ADGRD1: variants seen among roughly 807,000 people sequenced by gnomAD.
The protein encoded by ADGRD1 is adhesion G protein-coupled receptor D1.
A neutral mutation model predicts 113.4 loss-of-function variants in ADGRD1; 77 were observed. The ratio of observed to expected loss-of-function variants is 0.68; its 90% confidence interval spans 0.57 to 0.82. The LOEUF (loss-of-function observed/expected upper bound fraction) is 0.82. ADGRD1 is among the 40% of genes least tolerant of loss of function. The pLI is 0.00. For missense variants in ADGRD1, 1,036 were observed against 1,139.1 expected (o/e 0.91, Z 1.30); for synonymous variants, 474 against 475.0 (o/e 1.00, Z 0.03).
intron 13 of ADGRD1, among the ~76,000 whole-genome samples, chr12:131,039,318 A>C (rs1466207451): frequency 6.6e-6 from 1 of 152,240 alleles, no homozygotes; most frequent in African/African-American, 2.4e-5. Context: ...CAGTCCCACC[A>C]GGACCCTCAC....
chr12:131,004,173 C>G lies in ADGRD1; in HGVS notation c.1145-13C>G, dbSNP rs1266222111. On this transcript the variant is annotated splice_polypyrimidine_tract_variant and intron_variant, in intron 10 of 24. Transcript: ENST00000261654. ...CTGACGGGACTTCCGCTCTCTCGCT[C>G]CTTCCACCGCAGAGTTTTCCGTGGC... 6.4e-7 allele frequency: 1 copy of G among 1,561,612 alleles called. No homozygotes were observed. The highest frequency in any genetic ancestry group is 1.7e-5 in the Admixed American group (1 of 59,880).
chr12:130,993,348 G>T (rs1020869042), intron 8 of ADGRD1, among the ~76,000 whole-genome samples: 1 of 151,102 alleles, frequency 6.6e-6, no homozygotes, highest in Non-Finnish European at 1.5e-5. Flanking sequence ...TTCTGTCCAC[G>T]TAAGAGAAGT....
intron 20 of ADGRD1, among the ~76,000 whole-genome samples, chr12:131,124,505 C>T (rs902869278): frequency 6.6e-6 from 1 of 152,136 alleles, no homozygotes; most frequent in African/African-American, 2.4e-5. Flanking sequence ...CATCAGCTTC[C>T]CTGTGTCCTG....
chr12:130,986,895 G>A lies in ADGRD1; in HGVS notation c.491-200G>A. 5.2e-6 allele frequency: 3 copies of A among 574,888 alleles called. No homozygotes were observed. In the South Asian group the frequency reaches 6.8e-5, roughly 13 times the overall value. 35.6% of individuals were successfully genotyped at this position (574,888 alleles called of 1,614,324 possible). A position where few individuals can be genotyped will look rare whatever the true frequency, so the allele number is the denominator to read the frequency against. ...ACTGCTTCTGGAATTTAGGGCATAA[G>A]GACAAAAAGATAACATCCTTCCTGT... is the stretch of plus-strand genomic sequence containing the variant. On this transcript the variant is annotated intron_variant, in intron 5 of 24. Coordinates refer to ENST00000261654, the MANE Select transcript of ADGRD1 (RefSeq NM_198827.5).
chr12:131,033,521 G>T (rs1434994431), intron 13 of ADGRD1, among the ~76,000 whole-genome samples: 1 of 152,240 alleles, frequency 6.6e-6, no homozygotes, highest in Non-Finnish European at 1.5e-5. Context: ...GGGAATTCTT[G>T]TCCTCTGCTG....
rs1880947986 is a variant in ADGRD1 at position 131,032,919 on chromosome 12, T to A, written c.1473+18579T>A. On this transcript the variant is annotated intron_variant, in intron 13 of 24. Transcript: ENST00000261654. ...CACCCCGTCACAGAGGTGACGCTTATTAGAGAAATCGCCACCCCGTCACAG... is the reference window on the plus strand; with the variant it reads ...CACCCCGTCACAGAGGTGACGCTTAATAGAGAAATCGCCACCCCGTCACAG... Among the ~76,000 whole-genome samples the A allele has an allele frequency of 1.4e-4, 6 of 42,674 alleles. No homozygotes were observed. The South Asian group carries it at 7.3e-3, about 52-fold the overall frequency. The allele number at this position is 42,674 out of a possible 152,430, so 28.0% of individuals were successfully genotyped here. A position where few individuals can be genotyped will look rare whatever the true frequency, so the allele number is the denominator to read the frequency against.
At chr12:130,974,825 C>T (rs7139093) in intron 4 of ADGRD1, among the ~76,000 whole-genome samples, 2,462 of 152,132 alleles carry the variant, frequency 0.016, 62 homozygotes, top group African/African-American at 0.057. Context: ...GACCCCCGCT[C>T]CCGGCCCTCC....
intron 4 of ADGRD1, among the ~76,000 whole-genome samples, chr12:130,979,817 T>TCACACA (rs10526212): frequency 0.023 from 1,216 of 53,862 alleles, 7 homozygotes; most frequent in South Asian, 0.04. Context: ...AGCTAGTGTC[T>TCACACA]CACACACACA....
At position 131,041,890 on chromosome 12, in the gene ADGRD1, A is replaced by G. The variant is rs946352921; in HGVS notation, c.1473+27550A>G. Among the ~76,000 whole-genome samples, 2 of 152,104 alleles carry G rather than the reference A, an allele frequency of 1.3e-5. No individual in the cohort carries two copies. The highest frequency in any genetic ancestry group is 6.5e-5 in the Admixed American group (1 of 15,284). On this transcript the variant is annotated intron_variant, in intron 13 of 24. Transcript: ENST00000261654. This position sits in a 1 kb window ranked among gnomAD's most constrained non-coding sequence, Gnocchi z 4.4. ...TCTAGATGCCACTGCTGACATTGAC[A>G]TGACCTAGGGTTCCTTTGCAGTCGG...
In ADGRD1 at chr12:131,063,052, A is replaced by G. The variant is rs189143680; in HGVS notation, c.1474-13749A>G. The stretch of plus-strand genomic sequence containing the variant: ...TCTCGTCAATAAAATGTCTCTTAGT[A>G]TCTTTTGCCCATTTTCTAATTGGAT... On this transcript the variant is annotated intron_variant, in intron 13 of 24. Transcript: ENST00000261654. 7.9e-5 allele frequency among the ~76,000 whole-genome samples: 12 copies of G among 152,284 alleles called. No homozygotes were observed. In the East Asian group the frequency reaches 2.3e-3, roughly 29 times the overall value.
intron 15 of ADGRD1, among the ~76,000 whole-genome samples, chr12:131,093,592 G>A (rs1051443431): frequency 3.3e-5 from 5 of 152,214 alleles, no homozygotes; most frequent in African/African-American, 9.6e-5. Flanking sequence ...CTGTATTTGC[G>A]GTCCCGAGGG....
At chr12:130,961,900 A>G (rs999911494) in intron 2 of ADGRD1, among the ~76,000 whole-genome samples, 41 of 152,240 alleles carry the variant, frequency 2.7e-4, no homozygotes, top group Admixed American at 2.0e-4. Flanking sequence ...AGCTTCCTGC[A>G]GAGCCGCAAT....
intron 13 of ADGRD1, among the ~76,000 whole-genome samples, chr12:131,032,492 T>C (rs1238344093): frequency 1.3e-5 from 2 of 152,224 alleles, no homozygotes; most frequent in Non-Finnish European, 2.9e-5. Flanking sequence ...GTGTTCTTGC[T>C]GCAGGCCCGG....
intron 13 of ADGRD1, among the ~76,000 whole-genome samples, chr12:131,037,534 CTCAG>C: frequency 2.5e-5 from 2 of 78,750 alleles, no homozygotes; most frequent in African/African-American, 5.7e-5. Flanking sequence ...TACACCAGGT[CTCAG>C]TCACTGCACT....
At chr12:131,014,964 C>T (rs916743381) in intron 13 of ADGRD1, among the ~76,000 whole-genome samples, 10 of 152,222 alleles carry the variant, frequency 6.6e-5, no homozygotes, top group African/African-American at 1.2e-4. Context: ...CTTTAAAAAA[C>T]GCGTGCGCTG....
chr12:130,969,171 C>G (rs1172353064), intron 3 of ADGRD1: 1 of 712,052 alleles, frequency 1.4e-6, no homozygotes, highest in African/African-American at 1.8e-5. Context: ...TTCACTATGT[C>G]TTGGCTAGCA....
chr12:131,018,291 C>A (rs1201946031), intron 13 of ADGRD1, among the ~76,000 whole-genome samples: 3 of 152,224 alleles, frequency 2.0e-5, no homozygotes, highest in Non-Finnish European at 4.4e-5. Flanking sequence ...CTGAGGCCCG[C>A]ATTCTCCCAG....
rs1029761929 is a variant in ADGRD1, at chr12:131,035,548, A to G, written c.1473+21208A>G. 3 of 152,214 alleles carry G rather than the reference A, an allele frequency of 2.0e-5. 1 individual carries two copies. The highest frequency in any genetic ancestry group is 4.4e-5 in the Non-Finnish European group (3 of 68,038). The allele number at this position is 152,214 out of a possible 1,614,324, so 9.4% of individuals were successfully genotyped here. ...TTGAGACTGCAGTCTGCACCTTCAG[A>G]CCGCCTCTGCATTTTATGCCTCAAG... is the stretch of plus-strand genomic sequence containing the variant. On this transcript the variant is annotated intron_variant, in intron 13 of 24. Transcript: ENST00000261654.
intron 13 of ADGRD1, among the ~76,000 whole-genome samples, chr12:131,052,271 G>A (rs912896159): frequency 2.0e-5 from 3 of 152,168 alleles, no homozygotes; most frequent in African/African-American, 7.2e-5. Context: ...CCCCTGCACC[G>A]AGTCCCACCC....
Sources: gnomAD v4.1 joint callset for allele counts (sites outside exome capture counted in the v4.1 genomes callset) on GRCh38, gnomAD v4.1.1 for gene constraint, Gnocchi (gnomAD v3.1) non-coding constraint, MANE v1.5 for transcripts, NCBI Gene and HGNC (gene_info 2026-07-23, HGNC 2026-07-21) for gene names.